The following RBPJ variants were observed in gnomAD, a reference collection of about 807,000 sequenced individuals.
The protein encoded by RBPJ is recombining binding protein suppressor of hairless.
In RBPJ, 9 loss-of-function variants were observed where a neutral mutation model predicts 67.8. That is an observed-to-expected ratio of 0.13 (90% CI 0.08 to 0.23). The LOEUF (loss-of-function observed/expected upper bound fraction) is 0.23. Among genes scored for constraint, RBPJ ranks in the 10% least tolerant of loss-of-function variants. The pLI is 1.00. For missense variants in RBPJ, 305 were observed against 595.6 expected, an observed-to-expected ratio of 0.51 and a Z score of 5.08; for synonymous variants, 198 against 203.3, an observed-to-expected ratio of 0.97 and a Z score of 0.22.
upstream of RBPJ, among the ~76,000 whole-genome samples, chr4:26,316,654 T>A (rs1012871662): frequency 1.5e-5 from 2 of 129,336 alleles, no homozygotes; most frequent in Middle Eastern, 3.6e-3. Context: ...ATACACATAT[T>A]GATATATATA....
In RBPJ at chr4:26,187,096, C is replaced by T. The variant is rs144412140; in HGVS notation, c.-167+23482C>T. On this transcript the variant is annotated intron_variant, in intron 1 of 4. Transcript: ENST00000512351. ...AATTAGCTGGGTGTGGTGTTGCATACCTGTAGTCCCAGCTACTTAGGAGGC... is the reference window on the plus strand; with the variant it reads ...AATTAGCTGGGTGTGGTGTTGCATATCTGTAGTCCCAGCTACTTAGGAGGC... 1.1e-4 allele frequency among the ~76,000 whole-genome samples: 17 copies of T among 152,246 alleles called. No individual in the cohort carries two copies. The East Asian group carries it at 3.3e-3, about 29-fold the overall frequency.
intron 1 of RBPJ, among the ~76,000 whole-genome samples, chr4:26,174,838 TAC>T (rs777319250): frequency 1.2e-4 from 19 of 152,154 alleles, no homozygotes; most frequent in Non-Finnish European, 2.4e-4. Flanking sequence ...TGTATATATA[TAC>T]ACACATATAT....
chr4:26,318,169 AACTTAAAAACC>A (rs1294369030), upstream of RBPJ, among the ~76,000 whole-genome samples: 1 of 152,148 alleles, frequency 6.6e-6, no homozygotes, highest in Non-Finnish European at 1.5e-5. Context: ...CCTTGAAAAC[AACTTAAAAACC>A]AGGGTTTCCT....
chr4:26,412,203 AAAT>A (rs1261286169), intron 3 of RBPJ, among the ~76,000 whole-genome samples: 1 of 152,226 alleles, frequency 6.6e-6, no homozygotes, highest in African/African-American at 2.4e-5. Context: ...CCCAATCCAA[AAAT>A]TCGAAGTGCT....
At chr4:26,197,807 G>A (rs527948890) in intron 1 of RBPJ, among the ~76,000 whole-genome samples, 9 of 152,182 alleles carry the variant, frequency 5.9e-5, no homozygotes, top group African/African-American at 2.2e-4. Context: ...AAGGAGAGGA[G>A]AGAGGAGAGG....
At chr4:26,243,366 A>G (rs1719715349) in intron 1 of RBPJ, among the ~76,000 whole-genome samples, 1 of 152,212 alleles carries the variant, frequency 6.6e-6, no homozygotes, top group Admixed American at 6.5e-5. Flanking sequence ...AAAACAACTG[A>G]CTGTATTTGT....
At chr4:26,386,290 G>A (rs1730903828) in intron 1 of RBPJ, 63 bp from the exon 2 acceptor site, 21 of 1,157,834 alleles carry the variant, frequency 1.8e-5, no homozygotes, top group Non-Finnish European at 2.6e-5. Context: ...TGCCTGAAAA[G>A]CTTTCTGTAG....
chr4:26,163,722 C>T (rs974405097), intron 1 of RBPJ: 25 of 152,352 alleles, frequency 1.6e-4, no homozygotes, highest in African/African-American at 5.3e-4. Context: ...GCTACTGCCA[C>T]CTCAAGGGGT....
chr4:26,113,085 A>G, the RBPJ span: 4 of 174,844 alleles, frequency 2.3e-5, no homozygotes, highest in African/African-American at 7.1e-5. Flanking sequence ...TGCAATGAAT[A>G]TGGGAAATCT....
At chr4:26,152,905 G>A in the RBPJ span, among the ~76,000 whole-genome samples, 1 of 152,288 alleles carries the variant, frequency 6.6e-6, no homozygotes, top group Middle Eastern at 3.4e-3. Flanking sequence ...CTCTGGGAGT[G>A]GGCAAAAGAG....
Position 26,424,882 on chromosome 4 carries a change from T to A in RBPJ, c.747+139T>A. 1.8e-6 allele frequency: 1 copy of A among 566,480 alleles called. No individual in the cohort carries two copies. The highest frequency in any genetic ancestry group is 3.1e-6 in the Non-Finnish European group (1 of 320,594). The allele number at this position is 566,480 out of a possible 1,614,324, so 35.1% of individuals were successfully genotyped here. ...TAAAAGGTATGTTAGTAATCAGTGC[T>A]GTTTATAATTGACAGTTATGCTCTA... On this transcript the variant is annotated intron_variant, in intron 7 of 10. Coordinates refer to ENST00000355476, the MANE Select transcript of RBPJ (RefSeq NM_015874.6). The surrounding 1 kb of genome is among the most constrained non-coding windows in gnomAD (Gnocchi z 5.3).
chr4:26,397,789 A>G (rs918261786), intron 2 of RBPJ, among the ~76,000 whole-genome samples: 19 of 152,074 alleles, frequency 1.2e-4, no homozygotes, highest in African/African-American at 3.6e-4. Context: ...GTGTGCTACC[A>G]TGCCCAGCTA....
At position 26,434,201 on chromosome 4, in the gene RBPJ, C is replaced by T. The variant is rs1330828683; in HGVS notation, c.*3194C>T. ...AAGGCATGTTTATACATGACTTAAT[C>T]GTGAAATGTTTGTCACTCTTACTGC... On this transcript the variant is annotated 3_prime_UTR_variant, in exon 11 of 11. Coordinates refer to ENST00000355476, the MANE Select transcript of RBPJ (RefSeq NM_015874.6). 1 of 152,170 alleles carries T rather than the reference C, an allele frequency of 6.6e-6. No individual in the cohort carries two copies. The highest frequency in any genetic ancestry group is 1.5e-5 in the Non-Finnish European group (1 of 68,032). 9.4% of individuals were successfully genotyped at this position (152,170 alleles called of 1,614,324 possible). A position where few individuals can be genotyped will look rare whatever the true frequency, so the allele number is the denominator to read the frequency against.
Position 26,269,019 on chromosome 4 carries a change from A to G in RBPJ, c.-166-93427A>G, listed in dbSNP as rs953097238. Among the ~76,000 whole-genome samples the G allele has an allele frequency of 9.2e-5, 14 of 152,014 alleles. 1 individual carries two copies. Among genetic ancestry groups the G allele is most frequent in the Admixed American group, 5.9e-4 (9 of 15,256 alleles). ...CGGCTTCTTTGGCTGTTCTCCTGAT[A>G]CACTGGCAACTGGCAAATGCATGTG... On this transcript the variant is annotated intron_variant, in intron 1 of 4. Coordinates refer to the RBPJ transcript ENST00000512351.
chr4:26,284,764 G>C (rs539705438), intron 1 of RBPJ, among the ~76,000 whole-genome samples: 33 of 151,800 alleles, frequency 2.2e-4, no homozygotes, highest in Non-Finnish European at 4.9e-4. Context: ...CTGTGCCCCC[G>C]GCTGAACTCT....
Position 26,270,085 on chromosome 4 carries a change from C to A in RBPJ, c.-166-92361C>A, listed in dbSNP as rs1720829056. ...TCACCTGAGGTAAGGAGTTCAAGAC[C>A]AGTCCGGGCAACATGGCAAAACCTC... On this transcript the variant is annotated intron_variant, in intron 1 of 4. Transcript: ENST00000512351. Among the ~76,000 whole-genome samples, 4 of 151,522 alleles carry A rather than the reference C, an allele frequency of 2.6e-5. No individual in the cohort carries two copies. In the South Asian group the frequency reaches 8.4e-4, roughly 32 times the overall value.
chr4:26,169,666 T>C (rs1716483824), intron 1 of RBPJ, among the ~76,000 whole-genome samples: 1 of 152,250 alleles, frequency 6.6e-6, no homozygotes, highest in African/African-American at 2.4e-5. Context: ...GTCTGTGCCC[T>C]GCCCCCAGAG....
At position 26,358,877 on chromosome 4, in the gene RBPJ, C is replaced by T. The variant is rs1365210622; in HGVS notation, c.21-27476C>T. Among the ~76,000 whole-genome samples, 5 of 152,190 alleles carry T rather than the reference C, an allele frequency of 3.3e-5. No homozygotes were observed. The South Asian group carries it at 1.0e-3, about 32-fold the overall frequency. On this transcript the variant is annotated intron_variant, in intron 1 of 10. Coordinates refer to ENST00000355476, the MANE Select transcript of RBPJ (RefSeq NM_015874.6). Reference sequence around the variant, plus strand: ...CAGTTCACTGTGTCATCATTATGTTCCAGATATTGTTCTAAGTGCCTTACA... The same window carrying T: ...CAGTTCACTGTGTCATCATTATGTTTCAGATATTGTTCTAAGTGCCTTACA...
chr4:26,320,698 A>G (rs200707132), upstream of RBPJ: 2 of 1,520,866 alleles, frequency 1.3e-6, no homozygotes, highest in Non-Finnish European at 1.8e-6. Flanking sequence ...GGTTTTCCTC[A>G]GTCTCCACGT....
Sources: gnomAD v4.1 joint callset for allele counts (sites outside exome capture counted in the v4.1 genomes callset) on GRCh38, gnomAD v4.1.1 for gene constraint, Gnocchi (gnomAD v3.1) non-coding constraint, MANE v1.5 for transcripts, NCBI Gene and HGNC (gene_info 2026-07-23, HGNC 2026-07-21) for gene names.